Variants in RNF220 observed in about 807,000 individuals in gnomAD.
RNF220 encodes the protein E3 ubiquitin-protein ligase RNF220.
RNF220 carries 7 observed loss-of-function variants against 67.1 expected under a neutral mutation model. The observed-to-expected ratio is 0.10, with a 90% CI of 0.06 to 0.20. The LOEUF (loss-of-function observed/expected upper bound fraction) is 0.20, where lower values mean the gene tolerates loss of function less well. RNF220 is among the 10% of genes least tolerant of loss of function. The pLI, the probability that RNF220 is intolerant of heterozygous loss-of-function variation, is 1.00. For synonymous variants in RNF220, 270 were observed against 283.2 expected (o/e 0.95, Z 0.47); for missense variants, 565 against 740.3 (o/e 0.76, Z 2.75).
Position 44,650,044 on chromosome 1 carries a change from A to G in RNF220, c.1629+87A>G. On this transcript the variant is annotated intron_variant, in intron 14 of 14. Transcript: ENST00000361799. This position sits in a 1 kb window ranked among gnomAD's most constrained non-coding sequence, Gnocchi z 4.3. ...CTTATGCCTGAGCCTGCCTGGGGGA[A>G]GTGGGGAGCATGGCGCAAAGGAGAA... 1 of 1,390,168 alleles carries G rather than the reference A, an allele frequency of 7.2e-7. No homozygotes were observed. The highest frequency in any genetic ancestry group is 1.2e-5 in the South Asian group (1 of 82,626). 86.1% of individuals were successfully genotyped at this position (1,390,168 alleles called of 1,614,324 possible).
rs56409207 is a variant in RNF220, at chr1:44,527,925, C to CAAAAAAAAAAAAAAAA, written c.626-86229_626-86214dup. Among the ~76,000 whole-genome samples the CAAAAAAAAAAAAAAAA allele has an allele frequency of 9.1e-4, 51 of 56,182 alleles. 16 individuals are homozygous for CAAAAAAAAAAAAAAAA. Among genetic ancestry groups the CAAAAAAAAAAAAAAAA allele is most frequent in the African/African-American group, 2.5e-3 (25 of 9,840 alleles). 36.9% of individuals were successfully genotyped at this position (56,182 alleles called of 152,430 possible). On this transcript the variant is annotated intron_variant, in intron 2 of 14. Transcript: ENST00000361799. ...TGGGTGACAGAGCAAGACTCCATCC[C>CAAAAAAAAAAAAAAAA]AAAAAAAAAAAAAAAAAAAAAAAAA...
chr1:44,577,732 G>A (rs924296679), intron 2 of RNF220, among the ~76,000 whole-genome samples: 2 of 152,216 alleles, frequency 1.3e-5, no homozygotes, highest in Non-Finnish European at 2.9e-5. Flanking sequence ...GTGGGAGGCC[G>A]AGGCGGGTGG....
chr1:44,647,834 A>G (rs911393562), intron 12 of RNF220, among the ~76,000 whole-genome samples: 5 of 152,158 alleles, frequency 3.3e-5, no homozygotes, highest in African/African-American at 1.2e-4. Context: ...GTCCTTGCCC[A>G]AAGTCCACGT....
In RNF220 at chr1:44,571,458, C is replaced by G. The variant is rs571688174; in HGVS notation, c.626-42707C>G. On this transcript the variant is annotated intron_variant, in intron 2 of 14. Coordinates refer to ENST00000361799, the MANE Select transcript of RNF220 (RefSeq NM_018150.4). ...TCATTTTCCTTCATTTTGCGTGTGC[C>G]TACCTGACATGCCACTGTGTCTTTA... 2.6e-3 allele frequency among the ~76,000 whole-genome samples: 393 copies of G among 152,324 alleles called. 3 individuals carry two copies. Among genetic ancestry groups the G allele is most frequent in the African/African-American group, 9.0e-3 (372 of 41,554 alleles).
intron 2 of RNF220, among the ~76,000 whole-genome samples, chr1:44,567,628 T>C (rs1220562844): frequency 6.6e-6 from 1 of 152,010 alleles, no homozygotes; most frequent in Non-Finnish European, 1.5e-5. Context: ...AAATAGACTG[T>C]TTAGCAGCAA....
intron 2 of RNF220, among the ~76,000 whole-genome samples, chr1:44,443,020 A>G (rs1651723071): frequency 6.6e-6 from 1 of 152,208 alleles, no homozygotes; most frequent in Admixed American, 6.5e-5. Flanking sequence ...AATAACTGGT[A>G]GTGGCCCAAA....
At chr1:44,450,509 G>T (rs1279629486) in intron 2 of RNF220, among the ~76,000 whole-genome samples, 3 of 152,062 alleles carry the variant, frequency 2.0e-5, no homozygotes, top group Non-Finnish European at 4.4e-5. Context: ...ATTTATACAT[G>T]TATACATTTA....
intron 2 of RNF220, among the ~76,000 whole-genome samples, chr1:44,507,805 C>T (rs750446527): frequency 3.9e-5 from 6 of 152,236 alleles, no homozygotes; most frequent in African/African-American, 7.2e-5. Context: ...AGGATCAAGT[C>T]GGTAGCATTG....
intron 2 of RNF220, among the ~76,000 whole-genome samples, chr1:44,505,988 C>T (rs1557992214): frequency 1.3e-5 from 2 of 152,130 alleles, no homozygotes; most frequent in East Asian, 3.8e-4. Context: ...CCATCATACC[C>T]CCTTATTTCC....
intron 2 of RNF220, among the ~76,000 whole-genome samples, chr1:44,469,181 T>C (rs1441449327): frequency 6.6e-6 from 1 of 152,178 alleles, no homozygotes; most frequent in Non-Finnish European, 1.5e-5. Flanking sequence ...AGGGAATCCT[T>C]TGGAGAAGAA....
intron 2 of RNF220, among the ~76,000 whole-genome samples, chr1:44,490,363 A>G (rs1656743558): frequency 6.6e-6 from 1 of 151,902 alleles, no homozygotes; most frequent in South Asian, 2.1e-4. Context: ...CCAGCTACTC[A>G]GGAGGCTGAG....
At chr1:44,470,944 A>G (rs1333928190) in intron 2 of RNF220, among the ~76,000 whole-genome samples, 1 of 152,070 alleles carries the variant, frequency 6.6e-6, no homozygotes, top group Non-Finnish European at 1.5e-5. Context: ...TCTCCCATTC[A>G]TTCCCAACCC....
chr1:44,596,147 CA>C (rs1327485754), intron 2 of RNF220, among the ~76,000 whole-genome samples: 1 of 152,176 alleles, frequency 6.6e-6, no homozygotes, highest in Non-Finnish European at 1.5e-5. Context: ...AAAAGCAACT[CA>C]AGGAAGGGGA....
chr1:44,472,026 A>G (rs1056373618), intron 2 of RNF220, among the ~76,000 whole-genome samples: 1 of 152,184 alleles, frequency 6.6e-6, no homozygotes, highest in Non-Finnish European at 1.5e-5. Flanking sequence ...AAGTTTTACT[A>G]CTATTGTAGC....
At position 44,649,535 on chromosome 1, in the gene RNF220, AAG is replaced by A; in HGVS notation, c.1446-125_1446-124del. ...ATTTGCAGATTCAGGTTATCAGAGAAAGGGGGCAGGCAGGGATGCCTAGGGGA... is the reference window on the plus strand; with the variant it reads ...ATTTGCAGATTCAGGTTATCAGAGAAGGGGCAGGCAGGGATGCCTAGGGGA... On this transcript the variant is annotated intron_variant, in intron 12 of 14. Coordinates refer to ENST00000361799, the MANE Select transcript of RNF220 (RefSeq NM_018150.4). The surrounding 1 kb of genome is among the most constrained non-coding windows in gnomAD (Gnocchi z 5.9). 1.2e-6 allele frequency: 1 copy of A among 819,382 alleles called. No homozygotes were observed. The highest frequency in any genetic ancestry group is 2.0e-6 in the Non-Finnish European group (1 of 495,184). 50.8% of individuals were successfully genotyped at this position (819,382 alleles called of 1,614,324 possible). A position where few individuals can be genotyped will look rare whatever the true frequency, so the allele number is the denominator to read the frequency against.
chr1:44,559,632 C>G (rs1473025036), intron 2 of RNF220, among the ~76,000 whole-genome samples: 4 of 152,148 alleles, frequency 2.6e-5, no homozygotes, highest in Non-Finnish European at 5.9e-5. Flanking sequence ...GGGGCTGGGA[C>G]AGATGAGCAG....
At chr1:44,544,716 C>T (rs181378093) in intron 2 of RNF220, among the ~76,000 whole-genome samples, 17 of 152,356 alleles carry the variant, frequency 1.1e-4, no homozygotes, top group African/African-American at 4.1e-4. Flanking sequence ...ACTTTGCCTT[C>T]CAAGACATGT....
chr1:44,632,053 C>T, intron 5 of RNF220: 1 of 1,105,220 alleles, frequency 9.0e-7, no homozygotes, highest in East Asian at 5.8e-5. Context: ...CATCGCCGCC[C>T]TCGCCGGCCG....
At position 44,633,843 on chromosome 1, in the gene RNF220, C is replaced by T. The variant is rs985648972; in HGVS notation, c.949+1458C>T. ...CAATGCCTTTCTGATGTTTCACGTCCATTCTCCATCCCAGCCCTGGCTCTA... is the reference window on the plus strand; with the variant it reads ...CAATGCCTTTCTGATGTTTCACGTCTATTCTCCATCCCAGCCCTGGCTCTA... On this transcript the variant is annotated intron_variant, in intron 6 of 14. Coordinates refer to ENST00000361799, the MANE Select transcript of RNF220 (RefSeq NM_018150.4). 7.9e-5 allele frequency among the ~76,000 whole-genome samples: 12 copies of T among 152,218 alleles called. No homozygotes were observed. The South Asian group carries it at 8.3e-4, about 11-fold the overall frequency.
Sources: allele counts gnomAD v4.1 joint callset (sites outside exome capture counted in the v4.1 genomes callset), GRCh38; gene constraint gnomAD v4.1.1; non-coding constraint Gnocchi (gnomAD v3.1); transcripts MANE v1.5; gene names NCBI Gene and HGNC (gene_info 2026-07-23, HGNC 2026-07-21).